RFXAP: variants seen among roughly 807,000 people sequenced by gnomAD.
The protein encoded by RFXAP is regulatory factor X associated protein.
A neutral mutation model predicts 25.7 loss-of-function variants in RFXAP; 21 were observed. That is an observed-to-expected ratio of 0.82 (90% CI 0.58 to 1.18). RFXAP has a LOEUF of 1.18. Ranked by LOEUF, RFXAP falls within the 50% of genes most tolerant of loss-of-function variation. The pLI is 0.00. For missense variants in RFXAP, 333 were observed against 363.0 expected, an observed-to-expected ratio of 0.92 and a Z score of 0.67; for synonymous variants, 161 against 152.2, an observed-to-expected ratio of 1.06 and a Z score of -0.43.
At chr13:36,825,593 G>A in intron 2 of RFXAP, 58 bp downstream of exon 2, 2 of 1,257,082 alleles carry the variant, frequency 1.6e-6, no homozygotes, top group Non-Finnish European at 2.3e-6. Context: ...GTTATAAATG[G>A]AACAATTGAG....
intron 2 of RFXAP, among the ~76,000 whole-genome samples, chr13:36,826,850 T>G (rs2057979650): frequency 6.6e-6 from 1 of 152,162 alleles, no homozygotes; most frequent in South Asian, 2.1e-4. Flanking sequence ...TCTCTATAAA[T>G]TTATGTAAGT....
chr13:36,825,453 T>G lies in RFXAP; in HGVS notation c.626T>G (p.Ile209Ser). The change falls in exon 2 of 3, where the codon ATT becomes AGT. Residue 209 changes from isoleucine to serine, a missense_variant. By Grantham distance (142) the Ile-to-Ser change is moderately radical. Transcript: ENST00000255476. ...LEESADNILS[I>S]VKQRTGSFGD... Reference sequence around the variant, plus strand: ...GAAAGTGCAGATAACATACTCTCCATTGTTAAACAAAGAACAGGATCTTTT... The same window carrying G: ...GAAAGTGCAGATAACATACTCTCCAGTGTTAAACAAAGAACAGGATCTTTT... The G allele has an allele frequency of 6.2e-7, 1 of 1,612,828 alleles. No homozygotes were observed. The highest frequency in any genetic ancestry group is 8.5e-7 in the Non-Finnish European group (1 of 1,179,346).
At chr13:36,826,559 A>G (rs1175179752) in intron 2 of RFXAP, among the ~76,000 whole-genome samples, 1 of 152,212 alleles carries the variant, frequency 6.6e-6, no homozygotes, top group Non-Finnish European at 1.5e-5. Context: ...ATCACATTTA[A>G]TATGAAGACA....
At chr13:36,822,953 A>C (rs932907652) in intron 1 of RFXAP, among the ~76,000 whole-genome samples, 3 of 152,202 alleles carry the variant, frequency 2.0e-5, no homozygotes, top group African/African-American at 4.8e-5. Context: ...GTAGGCTGAG[A>C]TACTCCAGAA....
rs1301045464 is a variant in RFXAP at position 36,827,632 on chromosome 13, T to G, written c.709-11T>G. ...TAATGCTATTAATAATTTTTTTCTT[T>G]TCTTTCTAAGTCGTTACTAAGAAGT... On this transcript the variant is annotated splice_polypyrimidine_tract_variant and intron_variant, in intron 2 of 2. Coordinates refer to ENST00000255476, the MANE Select transcript of RFXAP (RefSeq NM_000538.4). 1 of 1,602,556 alleles carries G rather than the reference T, an allele frequency of 6.2e-7. No homozygotes were observed. The highest frequency in any genetic ancestry group is 8.5e-7 in the Non-Finnish European group (1 of 1,169,954).
Position 36,828,274 on chromosome 13 carries a change from GT to G in RFXAP, c.*522del, listed in dbSNP as rs1369486463. The G allele has an allele frequency of 6.5e-6, 1 of 154,958 alleles. No homozygotes were observed. 9.6% of individuals were successfully genotyped at this position (154,958 alleles called of 1,614,324 possible). The stretch of plus-strand genomic sequence containing the variant: ...CCTAAGAAATGTTGATGGCTATTTT[GT>G]GGTGCTAACATGTAGTTGGGGCACC... On this transcript the variant is annotated 3_prime_UTR_variant, in exon 3 of 3. Coordinates refer to ENST00000255476, the MANE Select transcript of RFXAP (RefSeq NM_000538.4).
At position 36,825,429 on chromosome 13, in the gene RFXAP, A is replaced by C; in HGVS notation, c.602A>C (p.Glu201Ala). 1 of 1,607,850 alleles carries C rather than the reference A, an allele frequency of 6.2e-7. No individual in the cohort carries two copies. Among genetic ancestry groups the C allele is most frequent in the Admixed American group, 1.7e-5 (1 of 60,006 alleles). ...TGSAGNVKLE[E>A]SADNILSIVK... ...TTGCATTTTTATCATTTATCCCAGG[A>C]AAGTGCAGATAACATACTCTCCATT... The change falls in exon 2 of 3, where the codon GAA (glutamate) becomes GCA (alanine). Residue 201 changes from glutamate (E) to alanine (A), a missense_variant and splice_region_variant. Transcript: ENST00000255476.
intron 1 of RFXAP, among the ~76,000 whole-genome samples, chr13:36,820,880 AT>A (rs2057959693): frequency 1.3e-5 from 2 of 152,332 alleles, no homozygotes; most frequent in South Asian, 4.1e-4. Flanking sequence ...TATGTGAGCC[AT>A]TCCATATTGA....
rs2057954274 is a variant in RFXAP, at chr13:36,819,524, A to G, written c.167A>G (p.Asp56Gly). The G allele has an allele frequency of 4.6e-6, 7 of 1,532,874 alleles. No homozygotes were observed. Among genetic ancestry groups the G allele is most frequent in the Non-Finnish European group, 6.2e-6 (7 of 1,138,108 alleles). The allele number at this position is 1,532,874 out of a possible 1,614,324, so 95.0% of individuals were successfully genotyped here. ...GTGATGCAACCCTGTGCTGGGCAGGACGAGGCTGCGGCCCCCGGGGGCAGC... is the reference window on the plus strand; with the variant it reads ...GTGATGCAACCCTGTGCTGGGCAGGGCGAGGCTGCGGCCCCCGGGGGCAGC... ...LLVMQPCAGQ[D>G]EAAAPGGSVG... The change falls in exon 1 of 3, where the codon GAC becomes GGC. Residue 56 changes from aspartate (D) to glycine (G), a missense_variant. By Grantham distance (94) the Asp-to-Gly change is moderately conservative (BLOSUM62 -1). Coordinates refer to ENST00000255476, the MANE Select transcript of RFXAP (RefSeq NM_000538.4).
chr13:36,822,806 G>T (rs1256079159), intron 1 of RFXAP, among the ~76,000 whole-genome samples: 1 of 152,186 alleles, frequency 6.6e-6, no homozygotes, highest in East Asian at 1.9e-4. Flanking sequence ...TACTTTATCA[G>T]TTCTGAGGAG....
intron 1 of RFXAP, among the ~76,000 whole-genome samples, chr13:36,820,997 T>C (rs2057960098): frequency 6.6e-6 from 1 of 152,150 alleles, no homozygotes; most frequent in South Asian, 2.1e-4. Context: ...AGCAGATATT[T>C]CTTCTTGTGA....
At chr13:36,820,097 G>T in intron 1 of RFXAP, 140 bp downstream of exon 1, 2 of 1,264,112 alleles carry the variant, frequency 1.6e-6, no homozygotes, top group Non-Finnish European at 2.2e-6. Context: ...GAGAATTAGA[G>T]TGTTTGCCCT....
At position 36,819,740 on chromosome 13, in the gene RFXAP, G is replaced by C. The variant is rs2057955675; in HGVS notation, c.383G>C (p.Arg128Pro). 1 of 1,552,776 alleles carries C rather than the reference G, an allele frequency of 6.4e-7. No individual in the cohort carries two copies. Among genetic ancestry groups the C allele is most frequent in the African/African-American group, 1.4e-5 (1 of 73,262 alleles). ...SGGEGSSGGA[R>P]RRGSGGGSMS... ...GGCGAGGGCAGCAGCGGGGGCGCCC[G>C]GAGGCGGGGCAGCGGTGGGGGCAGC... Residue 128 changes from arginine (R) to proline (P), a missense_variant, in exon 1 of 3, where the codon CGG (arginine) becomes CCG (proline). By Grantham distance (103) the Arg-to-Pro change is moderately radical. Coordinates refer to ENST00000255476, the MANE Select transcript of RFXAP (RefSeq NM_000538.4).
Position 36,827,789 on chromosome 13 carries a change from C to A in RFXAP, c.*36C>A. ...CAAGAACATCTACATGGTTTTTTAT[C>A]TTATTGTAATAGATGAGCATATTTT... On this transcript the variant is annotated 3_prime_UTR_variant, in exon 3 of 3. Transcript: ENST00000255476. The A allele has an allele frequency of 6.7e-7, 1 of 1,485,574 alleles. No homozygotes were observed. Among genetic ancestry groups the A allele is most frequent in the Non-Finnish European group, 9.4e-7 (1 of 1,064,026 alleles). 92.0% of individuals were successfully genotyped at this position (1,485,574 alleles called of 1,614,324 possible). A position where few individuals can be genotyped will look rare whatever the true frequency, so the allele number is the denominator to read the frequency against.
Position 36,827,918 on chromosome 13 carries a change from C to T in RFXAP, c.*165C>T, listed in dbSNP as rs1476500575. Reference sequence around the variant, plus strand: ...GGATAAGTAAGTATTGCACTTTGTGCATCTAATCTTTCAGATTACTGTGAG... The same window carrying T: ...GGATAAGTAAGTATTGCACTTTGTGTATCTAATCTTTCAGATTACTGTGAG... On this transcript the variant is annotated 3_prime_UTR_variant, in exon 3 of 3. Transcript: ENST00000255476. The T allele has an allele frequency of 3.3e-6, 2 of 597,810 alleles. No individual in the cohort carries two copies. Among genetic ancestry groups the T allele is most frequent in the Non-Finnish European group, 5.9e-6 (2 of 336,332 alleles). The allele number at this position is 597,810 out of a possible 1,614,324, so 37.0% of individuals were successfully genotyped here. A position where few individuals can be genotyped will look rare whatever the true frequency, so the allele number is the denominator to read the frequency against.
intron 2 of RFXAP, among the ~76,000 whole-genome samples, chr13:36,827,020 A>G (rs555629932): frequency 2.0e-5 from 3 of 152,160 alleles, no homozygotes; most frequent in Admixed American, 6.5e-5. Context: ...ATAGTCTGTT[A>G]TATTTGTTAT....
chr13:36,827,656 G>T lies in RFXAP; in HGVS notation c.722G>T (p.Ser241Ile), dbSNP rs1209441930. The T allele has an allele frequency of 1.2e-6, 2 of 1,613,518 alleles. No individual in the cohort carries two copies. Among genetic ancestry groups the T allele is most frequent in the Non-Finnish European group, 1.7e-6 (2 of 1,179,652 alleles). Reference protein sequence around the residue: ...LNQKRLSLLRSPEVVQFLQKQ... With the variant: ...LNQKRLSLLRIPEVVQFLQKQ... ...TTTCTTTCTAAGTCGTTACTAAGAA[G>T]TCCAGAAGTAGTGCAATTTTTACAG... is the stretch of plus-strand genomic sequence containing the variant. Residue 241 changes from serine (S) to isoleucine (I), a missense_variant, in exon 3 of 3, where the codon AGT becomes ATT. By Grantham distance (142) the Ser-to-Ile change is moderately radical. Transcript: ENST00000255476.
chr13:36,822,771 A>AT (rs1168652680), intron 1 of RFXAP, among the ~76,000 whole-genome samples: 3 of 152,222 alleles, frequency 2.0e-5, no homozygotes, highest in Non-Finnish European at 4.4e-5. Flanking sequence ...ATAGTTTACT[A>AT]TCCAGTTTGT....
chr13:36,819,777 C>T lies in RFXAP; in HGVS notation c.420C>T (p.Thr140=). 1 of 1,569,650 alleles carries T rather than the reference C, an allele frequency of 6.4e-7. No individual in the cohort carries two copies. The change falls in exon 1 of 3, where the codon ACC becomes ACT. Residue 140 remains threonine, a synonymous_variant. Transcript: ENST00000255476. ...RGSGGGSMSK[T]CTYEGCSETT... is the part of the protein sequence containing the mutation. ...GCGGTGGGGGCAGCATGAGCAAGACCTGCACCTACGAAGGCTGCAGCGAGA... is the reference window on the plus strand; with the variant it reads ...GCGGTGGGGGCAGCATGAGCAAGACTTGCACCTACGAAGGCTGCAGCGAGA...
Sources: allele counts gnomAD v4.1 joint callset (sites outside exome capture counted in the v4.1 genomes callset), GRCh38; gene constraint gnomAD v4.1.1; transcripts MANE v1.5; gene names NCBI Gene and HGNC (gene_info 2026-07-23, HGNC 2026-07-21).